The following FHOD3 variants were observed in gnomAD, a reference collection of about 807,000 sequenced individuals.
FHOD3 encodes formin homology 2 domain containing 3, also known as FH1/FH2 domain-containing protein 3.
A neutral mutation model predicts 173.0 loss-of-function variants in FHOD3; 90 were observed. That is an observed-to-expected ratio of 0.52 (90% CI 0.44 to 0.62). The LOEUF (loss-of-function observed/expected upper bound fraction) is 0.62, where lower values mean the gene tolerates loss of function less well. FHOD3 is among the 20% of genes least tolerant of loss of function. The probability of loss-of-function intolerance (pLI) is 0.00; values close to 1 mark genes in which losing one functional copy is unlikely to be tolerated. For synonymous variants in FHOD3, 828 were observed against 823.0 expected (o/e 1.01, Z -0.10); for missense variants, 1,945 against 2,034.7 (o/e 0.96, Z 0.85).
intron 3 of FHOD3, among the ~76,000 whole-genome samples, chr18:36,434,633 CTG>C (rs2050720634): frequency 6.6e-6 from 1 of 152,068 alleles, no homozygotes; most frequent in East Asian, 1.9e-4. Context: ...GAAAGTGAAT[CTG>C]TAGATCAATT....
At chr18:36,307,223 A>G (rs930944921) in intron 1 of FHOD3, among the ~76,000 whole-genome samples, 1 of 152,088 alleles carries the variant, frequency 6.6e-6, no homozygotes, top group Non-Finnish European at 1.5e-5. Context: ...CAGCCTCCCA[A>G]AGTGCTGGGA....
chr18:36,456,727 G>T (rs902229717), intron 3 of FHOD3, among the ~76,000 whole-genome samples: 12 of 152,008 alleles, frequency 7.9e-5, no homozygotes, highest in African/African-American at 1.5e-4. Flanking sequence ...GAGCTCTGGG[G>T]ACTGCACCAA....
intron 17 of FHOD3, 130 bp from the exon 18 acceptor site, chr18:36,708,965 A>G (rs1473993793): frequency 1.8e-6 from 2 of 1,111,204 alleles, no homozygotes; most frequent in Non-Finnish European, 2.6e-6. Flanking sequence ...TAACCAGGGC[A>G]TAGGTCTCTT....
At chr18:36,584,210 C>A (rs1341161391) in intron 6 of FHOD3, among the ~76,000 whole-genome samples, 1 of 152,206 alleles carries the variant, frequency 6.6e-6, no homozygotes, top group African/African-American at 2.4e-5. Context: ...GCTGGCCTCT[C>A]ACCCTTTCTG....
At chr18:36,596,649 G>T (rs912386435) in intron 7 of FHOD3, among the ~76,000 whole-genome samples, 1 of 152,086 alleles carries the variant, frequency 6.6e-6, no homozygotes, top group Non-Finnish European at 1.5e-5. Context: ...ATAGATGTCG[G>T]CACTAGGCAT....
In FHOD3 at chr18:36,612,124, C is replaced by T. The variant is rs73948089; in HGVS notation, c.957+29C>T. On this transcript the variant is annotated intron_variant, in intron 9 of 28. Transcript: ENST00000590592. ...CCAGACCATGCCTTTTGTAAGGTAT[C>T]GTACAGCTTTGGCAATTGTCAAAGG... 4.2e-4 allele frequency: 680 copies of T among 1,604,750 alleles called. 3 individuals carry two copies. The highest frequency in any genetic ancestry group is 3.3e-4 in the Middle Eastern group (2 of 6,008).
rs901510105 is a variant in FHOD3 at position 36,372,719 on chromosome 18, G to T, written c.312G>T (p.Leu104=). Residue 104 remains leucine (L), a synonymous_variant, in exon 3 of 29, where the codon CTG becomes CTT. Transcript: ENST00000590592. The part of the protein sequence containing the change: ...KKHSIILRTQ[L]SVRVHACIEK... ...ACAGCATCATCCTAAGGACGCAGCT[G>T]TCTGTGAGGGTCCATGCCTGCATCG... is the stretch of plus-strand genomic sequence containing the variant. 1.2e-6 allele frequency: 2 copies of T among 1,614,056 alleles called. No homozygotes were observed. The highest frequency in any genetic ancestry group is 4.5e-5 in the East Asian group (2 of 44,870).
chr18:36,342,475 A>G (rs1218024654), intron 1 of FHOD3, among the ~76,000 whole-genome samples: 1 of 152,218 alleles, frequency 6.6e-6, no homozygotes, highest in Non-Finnish European at 1.5e-5. Flanking sequence ...AGAGAAAAAT[A>G]GATTATCTTC....
At chr18:36,590,624 C>A (rs1420184767) in intron 6 of FHOD3, among the ~76,000 whole-genome samples, 2 of 152,032 alleles carry the variant, frequency 1.3e-5, no homozygotes, top group African/African-American at 4.8e-5. Context: ...TCCACATAAA[C>A]TTAAACTCAG....
chr18:36,698,055 T>C (rs2039386450), intron 17 of FHOD3, among the ~76,000 whole-genome samples: 1 of 152,214 alleles, frequency 6.6e-6, no homozygotes, highest in Non-Finnish European at 1.5e-5. Flanking sequence ...CACTGCATGC[T>C]AGTTCTCTTG....
intron 14 of FHOD3, among the ~76,000 whole-genome samples, 169 bp from the exon 15 acceptor site, chr18:36,681,267 T>C (rs1337720342): frequency 1.3e-5 from 2 of 152,134 alleles, no homozygotes; most frequent in African/African-American, 2.4e-5. Flanking sequence ...TTTCCCCAAT[T>C]TACAGACAAA....
chr18:36,766,757 A>G (rs1340613833), intron 27 of FHOD3, among the ~76,000 whole-genome samples: 1 of 152,194 alleles, frequency 6.6e-6, no homozygotes, highest in African/African-American at 2.4e-5. Flanking sequence ...TTGACAGAAG[A>G]TCCCTGGGAT....
intron 18 of FHOD3, among the ~76,000 whole-genome samples, chr18:36,714,754 A>G (rs2040357776): frequency 1.3e-5 from 2 of 152,104 alleles, no homozygotes; most frequent in Admixed American, 1.3e-4. Context: ...ATGGCATCTC[A>G]TCTCCTTTTG....
At chr18:36,705,065 G>A (rs894247195) in intron 17 of FHOD3, among the ~76,000 whole-genome samples, 19 of 152,164 alleles carry the variant, frequency 1.2e-4, no homozygotes, top group Admixed American at 6.5e-5. Context: ...CAGCTCGCAG[G>A]CACACCCAAG....
chr18:36,740,629 A>T, intron 20 of FHOD3, 27 bp from the exon 21 acceptor site: 1 of 1,589,988 alleles, frequency 6.3e-7, no homozygotes, highest in African/African-American at 1.3e-5. Flanking sequence ...CTAAGAGAAA[A>T]TATACTATAT....
intron 5 of FHOD3, among the ~76,000 whole-genome samples, chr18:36,550,243 CATAT>C (rs371573246): frequency 1.9e-4 from 23 of 120,698 alleles, no homozygotes; most frequent in Admixed American, 4.2e-4. Context: ...AGTGGTAGAC[CATAT>C]ATATATATAT....
chr18:36,407,447 G>C (rs567325684), intron 3 of FHOD3, among the ~76,000 whole-genome samples: 1 of 152,198 alleles, frequency 6.6e-6, no homozygotes, highest in East Asian at 1.9e-4. Context: ...CATCTGCCAG[G>C]GACTCTGCAC....
chr18:36,718,365 C>CT lies in FHOD3; in HGVS notation c.3067_3068insT (p.Pro1023LeufsTer30). 1 of 1,241,718 alleles carries CT rather than the reference C, an allele frequency of 8.1e-7. No homozygotes were observed. The highest frequency in any genetic ancestry group is 1.3e-5 in the South Asian group (1 of 78,562). The allele number at this position is 1,241,718 out of a possible 1,614,324, so 76.9% of individuals were successfully genotyped here. ...TCACAGGGAGGCCCCTGGGCCACCT[C>CT]CCCCACCCCCACCCACCTTTCTGGG... is the stretch of plus-strand genomic sequence containing the variant. On this transcript the variant is annotated frameshift_variant, in exon 19 of 29. Coordinates refer to ENST00000590592, the MANE Select transcript of FHOD3 (RefSeq NM_001281740.3). LOFTEE classifies it high-confidence loss of function.
chr18:36,489,899 A>G (rs939984500), intron 3 of FHOD3, among the ~76,000 whole-genome samples: 1 of 152,160 alleles, frequency 6.6e-6, no homozygotes, highest in African/African-American at 2.4e-5. Context: ...AGCTATTTTC[A>G]GGGCCCAGAG....
Sources: gnomAD v4.1 joint callset for allele counts (sites outside exome capture counted in the v4.1 genomes callset) on GRCh38, gnomAD v4.1.1 for gene constraint, MANE v1.5 for transcripts, NCBI Gene and HGNC (gene_info 2026-07-23, HGNC 2026-07-21) for gene names.